ZNF652: variants seen among roughly 807,000 people sequenced by gnomAD.
The protein encoded by ZNF652 is zinc finger protein 652.
Under a neutral mutation model 45.2 loss-of-function variants are expected in ZNF652, and 16 were observed. That is an observed-to-expected ratio of 0.35 (90% CI 0.24 to 0.54). The LOEUF (loss-of-function observed/expected upper bound fraction) is 0.54. Ranked by LOEUF, ZNF652 falls within the 20% of genes least tolerant of loss-of-function variation. The probability of loss-of-function intolerance (pLI) is 0.91; values close to 1 mark genes in which losing one functional copy is unlikely to be tolerated. For missense variants in ZNF652, 614 were observed against 765.6 expected (o/e 0.80, Z 2.34); for synonymous variants, 250 against 260.6 (o/e 0.96, Z 0.39).
chr17:49,345,840 C>CAAAAAAAA (rs11381958), intron 1 of ZNF652, among the ~76,000 whole-genome samples: 2 of 115,708 alleles, frequency 1.7e-5, no homozygotes, highest in Admixed American at 8.9e-5. Flanking sequence ...GACTCCATCT[C>CAAAAAAAA]AAAAAAAAAA....
At chr17:49,333,545 TAAAA>T (rs1182199037) in intron 1 of ZNF652, among the ~76,000 whole-genome samples, 1 of 48,112 alleles carries the variant, frequency 2.1e-5, no homozygotes, top group Non-Finnish European at 3.7e-5. Context: ...CTGTCTCTAC[TAAAA>T]AAAAAAAAAA....
At chr17:49,347,735 GTTTT>G (rs60213854) in intron 1 of ZNF652, among the ~76,000 whole-genome samples, 40,888 of 124,562 alleles carry the variant, frequency 0.33, 6,448 homozygotes, top group East Asian at 0.42. Context: ...TTGAACCTTG[GTTTT>G]GTTTTTTTTT....
At chr17:49,308,656 G>T (rs2069664945) in intron 5 of ZNF652, among the ~76,000 whole-genome samples, 1 of 152,058 alleles carries the variant, frequency 6.6e-6, no homozygotes, top group African/African-American at 2.4e-5. Context: ...ACAAAAATTA[G>T]CCAGGCACGG....
chr17:49,324,865 C>T (rs1435471335), intron 1 of ZNF652, among the ~76,000 whole-genome samples: 9 of 151,360 alleles, frequency 5.9e-5, no homozygotes, highest in Non-Finnish European at 1.0e-4. Context: ...CTCAGCCTAC[C>T]GAGTAGCTGG....
Position 49,303,247 on chromosome 17 carries a change from C to T in ZNF652, c.1310-4323G>A, listed in dbSNP as rs75010970. ...GTGATGTTTTATTCTTTACGCTTAT[C>T]TTTTTTTTTTTGAGACAGGGTCTCA... is the stretch of plus-strand genomic sequence containing the variant. On this transcript the variant is annotated intron_variant, in intron 5 of 5. Transcript: ENST00000430262. Among the ~76,000 whole-genome samples the T allele has an allele frequency of 2.0e-4, 24 of 121,774 alleles. 1 individual carries two copies. The highest frequency in any genetic ancestry group is 5.9e-4 in the South Asian group (2 of 3,372). The allele number at this position is 121,774 out of a possible 152,430, so 79.9% of individuals were successfully genotyped here.
At chr17:49,339,673 G>GT (rs2143876081) in intron 1 of ZNF652, among the ~76,000 whole-genome samples, 1 of 152,260 alleles carries the variant, frequency 6.6e-6, no homozygotes, top group Admixed American at 6.5e-5. Flanking sequence ...AGAGTGTCAG[G>GT]TTTTAACCAA....
At chr17:49,327,650 A>G (rs2069969335) in intron 1 of ZNF652, among the ~76,000 whole-genome samples, 1 of 148,324 alleles carries the variant, frequency 6.7e-6, no homozygotes, top group Non-Finnish European at 1.5e-5. Context: ...AGGCTGAGGC[A>G]GGAGGATCGC....
Position 49,324,548 on chromosome 17 carries a change from A to G in ZNF652, c.-258-6565T>C, listed in dbSNP as rs553251606. Among the ~76,000 whole-genome samples, 5 of 149,790 alleles carry G rather than the reference A, an allele frequency of 3.3e-5. No individual in the cohort carries two copies. The South Asian group carries it at 1.1e-3, about 32-fold the overall frequency. Reference sequence around the variant, plus strand: ...TGGGATTACAGGTGTGTACCATCACATCTTGCTAATTGTGTATTTTTAGTA... The same window carrying G: ...TGGGATTACAGGTGTGTACCATCACGTCTTGCTAATTGTGTATTTTTAGTA... On this transcript the variant is annotated intron_variant, in intron 1 of 5. Transcript: ENST00000430262.
intron 3 of ZNF652, 117 bp from the exon 4 acceptor site, chr17:49,312,159 C>CTTTTTTT (rs34553823): frequency 5.8e-4 from 80 of 139,092 alleles, no homozygotes; most frequent in Admixed American, 8.1e-4. Context: ...ATTTGTGAGG[C>CTTTTTTT]TTTTTTTTTT....
intron 5 of ZNF652, among the ~76,000 whole-genome samples, chr17:49,299,325 T>C (rs1024947084): frequency 6.6e-6 from 1 of 152,218 alleles, no homozygotes; most frequent in Non-Finnish European, 1.5e-5. Context: ...CAAGGAAATA[T>C]CCTAGATGAC....
At chr17:49,308,665 G>A (rs572940551) in intron 5 of ZNF652, among the ~76,000 whole-genome samples, 5 of 152,008 alleles carry the variant, frequency 3.3e-5, no homozygotes, top group African/African-American at 7.2e-5. Context: ...AGCCAGGCAC[G>A]GTGGTGCGCA....
chr17:49,351,376 A>T (rs2070281413), intron 1 of ZNF652, among the ~76,000 whole-genome samples: 1 of 151,862 alleles, frequency 6.6e-6, no homozygotes, highest in African/African-American at 2.4e-5. Context: ...TGGTAAGTAT[A>T]AAAAAAGTGT....
At chr17:49,351,299 C>T (rs910064562) in intron 1 of ZNF652, among the ~76,000 whole-genome samples, 2 of 151,782 alleles carry the variant, frequency 1.3e-5, no homozygotes, top group African/African-American at 4.8e-5. Flanking sequence ...GAATTCAGCA[C>T]TATTTTCCTA....
intron 1 of ZNF652, among the ~76,000 whole-genome samples, chr17:49,345,388 A>G (rs1355884668): frequency 6.6e-6 from 1 of 151,006 alleles, no homozygotes; most frequent in Non-Finnish European, 1.5e-5. Flanking sequence ...TTTTTAGTAG[A>G]AACGGGGTTT....
At chr17:49,342,554 A>AG (rs57671663) in intron 1 of ZNF652, among the ~76,000 whole-genome samples, 3 of 102,710 alleles carry the variant, frequency 2.9e-5, no homozygotes, top group Non-Finnish European at 3.9e-5. Flanking sequence ...TAACAGATAA[A>AG]GGGGGGGGGG....
intron 1 of ZNF652, among the ~76,000 whole-genome samples, chr17:49,360,118 C>CT (rs142843030): frequency 2.2e-4 from 34 of 152,272 alleles, no homozygotes; most frequent in African/African-American, 8.2e-4. Flanking sequence ...CATACATTTC[C>CT]TTTTTACAGG....
chr17:49,350,997 A>T (rs1235233210), intron 1 of ZNF652, among the ~76,000 whole-genome samples: 1 of 21,232 alleles, frequency 4.7e-5, no homozygotes, highest in African/African-American at 2.1e-4. Flanking sequence ...ATATATATAT[A>T]TATATATATA....
intron 1 of ZNF652, among the ~76,000 whole-genome samples, chr17:49,337,654 T>G (rs569212977): frequency 3.0e-4 from 46 of 152,352 alleles, no homozygotes; most frequent in Non-Finnish European, 5.7e-4. Flanking sequence ...ACAAGGGATT[T>G]ATTTATTTTT....
At chr17:49,338,425 G>A (rs1251054630) in intron 1 of ZNF652, among the ~76,000 whole-genome samples, 4 of 152,192 alleles carry the variant, frequency 2.6e-5, no homozygotes, top group Non-Finnish European at 5.9e-5. Flanking sequence ...AGGCAGACAT[G>A]TTCAAGCTGG....
Sources: allele counts gnomAD v4.1 joint callset (sites outside exome capture counted in the v4.1 genomes callset), GRCh38; gene constraint gnomAD v4.1.1; transcripts MANE v1.5; gene names NCBI Gene and HGNC (gene_info 2026-07-23, HGNC 2026-07-21).